Variants in LRBA observed in about 807,000 individuals in gnomAD.
LRBA encodes the protein LPS responsive beige-like anchor protein, also known as lipopolysaccharide-responsive and beige-like anchor protein.
In LRBA, 176 loss-of-function variants were observed where a neutral mutation model predicts 330.0. The ratio of observed to expected loss-of-function variants is 0.53; its 90% confidence interval spans 0.47 to 0.60. The LOEUF is 0.60. Ranked by LOEUF, LRBA falls within the 20% of genes least tolerant of loss-of-function variation. The pLI is 0.00. For missense variants in LRBA, 3,259 were observed against 3,444.8 expected, an observed-to-expected ratio of 0.95 and a Z score of 1.35; for synonymous variants, 1,230 against 1,193.0, an observed-to-expected ratio of 1.03 and a Z score of -0.64.
chr4:150,368,802 A>C (rs1739857934), intron 47 of LRBA, among the ~76,000 whole-genome samples: 1 of 152,216 alleles, frequency 6.6e-6, no homozygotes, highest in African/African-American at 2.4e-5. Context: ...TCTTCTGTAC[A>C]CATCTAAAGA....
intron 2 of LRBA, among the ~76,000 whole-genome samples, chr4:150,948,559 T>C (rs958518402): frequency 2.0e-5 from 3 of 152,022 alleles, no homozygotes; most frequent in African/African-American, 7.2e-5. Flanking sequence ...AAGAAGTTTT[T>C]AGACTTGACA....
intron 47 of LRBA, among the ~76,000 whole-genome samples, chr4:150,371,918 T>A (rs1328478250): frequency 6.6e-6 from 1 of 152,156 alleles, no homozygotes; most frequent in Non-Finnish European, 1.5e-5. Flanking sequence ...CAGCCTTTGG[T>A]TCATAGTCCT....
At chr4:150,706,350 A>C (rs1785618531) in intron 36 of LRBA, among the ~76,000 whole-genome samples, 1 of 151,914 alleles carries the variant, frequency 6.6e-6, no homozygotes, top group African/African-American at 2.4e-5. Context: ...GTAGCATCTT[A>C]AATGAAAACT....
At chr4:150,528,300 C>T (rs945666865) in intron 40 of LRBA, among the ~76,000 whole-genome samples, 82 of 151,926 alleles carry the variant, frequency 5.4e-4, no homozygotes, top group African/African-American at 1.9e-3. Context: ...GAGATCGAGA[C>T]CATCCTGGCA....
intron 36 of LRBA, among the ~76,000 whole-genome samples, chr4:150,733,095 C>T (rs1730676170): frequency 6.6e-6 from 1 of 152,088 alleles, no homozygotes; most frequent in African/African-American, 2.4e-5. Flanking sequence ...ATCAACTCTA[C>T]TGTTATTTTA....
intron 36 of LRBA, among the ~76,000 whole-genome samples, chr4:150,700,619 G>T (rs1785028141): frequency 1.3e-5 from 2 of 152,098 alleles, no homozygotes; most frequent in African/African-American, 4.8e-5. Flanking sequence ...AATTATCCTT[G>T]CTCACTGTAA....
intron 53 of LRBA, among the ~76,000 whole-genome samples, chr4:150,294,381 C>T (rs911355077): frequency 6.6e-6 from 1 of 152,172 alleles, no homozygotes; most frequent in African/African-American, 2.4e-5. Context: ...TAACTCTGAC[C>T]TAGACTGCCT....
intron 52 of LRBA, among the ~76,000 whole-genome samples, chr4:150,306,737 G>A (rs1199259564): frequency 2.6e-5 from 4 of 152,188 alleles, no homozygotes; most frequent in Non-Finnish European, 5.9e-5. Context: ...AACATACTAG[G>A]AACTTAGTGT....
At chr4:150,927,202 G>A (rs982608412) in intron 4 of LRBA, among the ~76,000 whole-genome samples, 9 of 151,506 alleles carry the variant, frequency 5.9e-5, no homozygotes, top group East Asian at 1.9e-4. Flanking sequence ...GCAAAACCCC[G>A]TCTCTACTAA....
chr4:150,908,372 G>C lies in LRBA; in HGVS notation c.1455C>G (p.Tyr485Ter). 6.2e-7 allele frequency: 1 copy of C among 1,609,164 alleles called. No individual in the cohort carries two copies. Among genetic ancestry groups the C allele is most frequent in the Non-Finnish European group, 8.5e-7 (1 of 1,178,926 alleles). ...CAATCTCATCAGACAAATATTGCCT[G>C]TAATCCAACTGTGCAAAAAGTGGAA... ...VLFPLFAQLDYRQYLSDEIDL... is the reference protein window; with the variant it reads ...VLFPLFAQLD Residue 485 changes from tyrosine to a stop codon, truncating the protein, a stop_gained, in exon 11 of 57, where the codon TAC becomes TAG. Coordinates refer to ENST00000651943, the MANE Select transcript of LRBA (RefSeq NM_001364905.1). LOFTEE classifies it high-confidence loss of function.
chr4:150,294,633 A>G (rs2126813448), intron 53 of LRBA, among the ~76,000 whole-genome samples: 1 of 152,292 alleles, frequency 6.6e-6, no homozygotes, highest in East Asian at 1.9e-4. Context: ...GCATGTAGTG[A>G]GCACCCATTA....
At chr4:150,532,360 T>C (rs1024543933) in intron 40 of LRBA, among the ~76,000 whole-genome samples, 4 of 152,200 alleles carry the variant, frequency 2.6e-5, no homozygotes, top group African/African-American at 9.6e-5. Context: ...TTGTGTTATA[T>C]TGCTACAGAC....
intron 36 of LRBA, among the ~76,000 whole-genome samples, chr4:150,697,339 A>G (rs1205508323): frequency 2.0e-5 from 3 of 148,658 alleles, no homozygotes; most frequent in African/African-American, 7.4e-5. Flanking sequence ...AAAAAAAAAA[A>G]AAAAAAAAAA....
At chr4:150,266,586 A>T (rs574433229) in intron 56 of LRBA, among the ~76,000 whole-genome samples, 1 of 152,224 alleles carries the variant, frequency 6.6e-6, no homozygotes, top group African/African-American at 2.4e-5. Flanking sequence ...CCTCGTATCA[A>T]AATTAATTAG....
intron 37 of LRBA, among the ~76,000 whole-genome samples, chr4:150,639,777 ATATATG>A (rs1369413103): frequency 0.045 from 178 of 3,932 alleles, 12 homozygotes; most frequent in South Asian, 0.17. Flanking sequence ...ATATATATAT[ATATATG>A]TGTGTGTGTA....
intron 37 of LRBA, among the ~76,000 whole-genome samples, chr4:150,648,595 T>C (rs865834280): frequency 6.7e-6 from 1 of 150,200 alleles, no homozygotes; most frequent in South Asian, 2.1e-4. Flanking sequence ...AAGGATAGAG[T>C]ACTGCCTCTG....
intron 34 of LRBA, among the ~76,000 whole-genome samples, chr4:150,789,680 C>G (rs1283884864): frequency 6.6e-6 from 1 of 151,928 alleles, no homozygotes; most frequent in Non-Finnish European, 1.5e-5. Context: ...GCTAAAACTT[C>G]TAAAAGTTAT....
At chr4:150,806,609 C>T (rs1742831030) in intron 32 of LRBA, among the ~76,000 whole-genome samples, 1 of 152,014 alleles carries the variant, frequency 6.6e-6, no homozygotes, top group African/African-American at 2.4e-5. Flanking sequence ...CTACAATCTC[C>T]AACAAACAAC....
intron 51 of LRBA, chr4:150,315,008 T>C (rs974984932): frequency 4.5e-5 from 7 of 154,060 alleles, no homozygotes; most frequent in Non-Finnish European, 1.0e-4. Flanking sequence ...CTGGGCAATA[T>C]ATTTCAACTT....
Sources: gnomAD v4.1 joint callset for allele counts (sites outside exome capture counted in the v4.1 genomes callset) on GRCh38, gnomAD v4.1.1 for gene constraint, MANE v1.5 for transcripts, NCBI Gene and HGNC (gene_info 2026-07-23, HGNC 2026-07-21) for gene names.